The following WWOX variants were observed in gnomAD, a reference collection of about 807,000 sequenced individuals.
The protein encoded by WWOX is WW domain-containing oxidoreductase.
A neutral mutation model predicts 46.2 loss-of-function variants in WWOX; 69 were observed. That is an observed-to-expected ratio of 1.49 (90% CI 1.23 to 1.82). The LOEUF (loss-of-function observed/expected upper bound fraction) is 1.82, where lower values mean the gene tolerates loss of function less well. Among genes scored for constraint, WWOX ranks in the 40% most tolerant of loss-of-function variants. The pLI is 0.00. For missense variants in WWOX, 919 were observed against 542.6 expected, an observed-to-expected ratio of 1.69 and a Z score of -6.89; for synonymous variants, 359 against 202.6, an observed-to-expected ratio of 1.77 and a Z score of -6.56.
chr16:79,073,554 G>C (rs1471594741), intron 8 of WWOX, among the ~76,000 whole-genome samples: 1 of 152,162 alleles, frequency 6.6e-6, no homozygotes, highest in Non-Finnish European at 1.5e-5. Flanking sequence ...GACAGCCGTA[G>C]ACTTTGTTTC....
At chr16:79,095,185 T>C (rs1483859937) in intron 8 of WWOX, among the ~76,000 whole-genome samples, 1 of 152,196 alleles carries the variant, frequency 6.6e-6, no homozygotes, top group East Asian at 1.9e-4. Flanking sequence ...AGCTGCTGTC[T>C]TTGTCCACCT....
Position 78,635,847 on chromosome 16 carries a change from A to T in WWOX, c.1056+203095A>T, listed in dbSNP as rs927356411. Among the ~76,000 whole-genome samples, 4 of 152,164 alleles carry T rather than the reference A, an allele frequency of 2.6e-5. 1 individual carries two copies. Among genetic ancestry groups the T allele is most frequent in the Admixed American group, 2.0e-4 (3 of 15,270 alleles). ...CTCAGAAGTTGGCGTTTCCTTGCAG[A>T]TATCATTGGTGGCCATTGGAGGGGA... is the stretch of plus-strand genomic sequence containing the variant. On this transcript the variant is annotated intron_variant, in intron 8 of 8. Coordinates refer to ENST00000566780, the MANE Select transcript of WWOX (RefSeq NM_016373.4).
At chr16:78,374,453 G>C (rs190978239) in intron 5 of WWOX, among the ~76,000 whole-genome samples, 1 of 150,108 alleles carries the variant, frequency 6.7e-6, no homozygotes, top group East Asian at 2.0e-4. Context: ...TCCAAATGAC[G>C]CACAAAATTT....
At chr16:78,825,075 A>C (rs2051611901) in intron 8 of WWOX, among the ~76,000 whole-genome samples, 1 of 152,164 alleles carries the variant, frequency 6.6e-6, no homozygotes. Context: ...AATACTCATG[A>C]ACAACTCCAC....
At chr16:78,421,916 A>T (rs1487118409) in intron 6 of WWOX, among the ~76,000 whole-genome samples, 1 of 152,252 alleles carries the variant, frequency 6.6e-6, no homozygotes, top group Admixed American at 6.5e-5. Flanking sequence ...TTCAATTCTC[A>T]TGATACATGT....
At chr16:78,881,190 A>T (rs971473507) in intron 8 of WWOX, among the ~76,000 whole-genome samples, 2 of 151,636 alleles carry the variant, frequency 1.3e-5, no homozygotes, top group Admixed American at 6.6e-5. Flanking sequence ...TTTGGTACAG[A>T]TGGGATTTTG....
chr16:78,783,389 T>A (rs542128370), intron 8 of WWOX, among the ~76,000 whole-genome samples: 24 of 152,152 alleles, frequency 1.6e-4, no homozygotes, highest in Non-Finnish European at 2.9e-4. Context: ...GGGAGGGAAA[T>A]TGTTAGCTAC....
chr16:78,299,019 T>A (rs1597455349), intron 5 of WWOX, among the ~76,000 whole-genome samples: 1 of 152,202 alleles, frequency 6.6e-6, no homozygotes, highest in African/African-American at 2.4e-5. Context: ...ATGAGCTGGG[T>A]TGCAGCCAGC....
intron 8 of WWOX, among the ~76,000 whole-genome samples, chr16:78,777,831 G>T (rs1314767547): frequency 6.6e-6 from 1 of 152,086 alleles, no homozygotes; most frequent in Non-Finnish European, 1.5e-5. Context: ...CAGATCATGA[G>T]GTCAAGAGAT....
chr16:78,669,986 C>T (rs2047422106), intron 8 of WWOX, among the ~76,000 whole-genome samples: 1 of 152,110 alleles, frequency 6.6e-6, no homozygotes, highest in Non-Finnish European at 1.5e-5. Context: ...CCTCCCCCAC[C>T]AGTAATGTAG....
intron 8 of WWOX, among the ~76,000 whole-genome samples, chr16:79,032,930 C>T (rs1022217753): frequency 6.6e-6 from 1 of 151,452 alleles, no homozygotes; most frequent in Non-Finnish European, 1.5e-5. Context: ...ACCCTCCACC[C>T]TTTGGTAGGC....
At chr16:78,225,465 A>C (rs1021616953) in intron 5 of WWOX, among the ~76,000 whole-genome samples, 5 of 152,174 alleles carry the variant, frequency 3.3e-5, no homozygotes, top group African/African-American at 9.7e-5. Flanking sequence ...TATTGCAACC[A>C]AATCTATCAG....
At chr16:78,344,000 C>A (rs562888245) in intron 5 of WWOX, among the ~76,000 whole-genome samples, 3 of 119,448 alleles carry the variant, frequency 2.5e-5, no homozygotes, top group African/African-American at 8.5e-5. Flanking sequence ...CCCCTCATGC[C>A]GGCTCCTTCC....
chr16:78,672,995 T>C (rs911361758), intron 8 of WWOX, among the ~76,000 whole-genome samples: 3 of 152,180 alleles, frequency 2.0e-5, no homozygotes, highest in Non-Finnish European at 4.4e-5. Context: ...CCGCCGTGTG[T>C]CAGAACTTGG....
chr16:78,522,473 C>T (rs1020295899), intron 8 of WWOX, among the ~76,000 whole-genome samples: 1 of 152,186 alleles, frequency 6.6e-6, no homozygotes, highest in Non-Finnish European at 1.5e-5. Flanking sequence ...GCAGTCTCTT[C>T]CTCTGTCTCC....
intron 8 of WWOX, among the ~76,000 whole-genome samples, chr16:79,185,197 A>G (rs1225886394): frequency 6.6e-6 from 1 of 152,200 alleles, no homozygotes; most frequent in Non-Finnish European, 1.5e-5. Context: ...TCCTAGTTTC[A>G]GAATACTTGG....
intron 8 of WWOX, among the ~76,000 whole-genome samples, chr16:78,994,619 C>G (rs1477215517): frequency 5.3e-5 from 8 of 152,148 alleles, no homozygotes; most frequent in African/African-American, 1.4e-4. Flanking sequence ...AACTCCCAAA[C>G]CAGAATAAAA....
chr16:79,074,811 C>T (rs2048623456), intron 8 of WWOX, among the ~76,000 whole-genome samples: 1 of 152,010 alleles, frequency 6.6e-6, no homozygotes. Context: ...TAACCATTTC[C>T]ATTCTGAACT....
At chr16:79,173,109 A>G (rs2050733399) in intron 8 of WWOX, among the ~76,000 whole-genome samples, 1 of 152,240 alleles carries the variant, frequency 6.6e-6, no homozygotes, top group Non-Finnish European at 1.5e-5. Flanking sequence ...TTCCCAACAT[A>G]AAATCCATTG....
Sources: gnomAD v4.1 joint callset for allele counts (sites outside exome capture counted in the v4.1 genomes callset) on GRCh38, gnomAD v4.1.1 for gene constraint, MANE v1.5 for transcripts, NCBI Gene and HGNC (gene_info 2026-07-23, HGNC 2026-07-21) for gene names.